SVIL: variants seen among roughly 807,000 people sequenced by gnomAD.
The protein encoded by SVIL is archvillin.
SVIL carries 101 observed loss-of-function variants against 240.4 expected under a neutral mutation model. The ratio of observed to expected loss-of-function variants is 0.42; its 90% confidence interval spans 0.36 to 0.50. SVIL has a LOEUF of 0.50. Among genes scored for constraint, SVIL ranks in the 20% least tolerant of loss-of-function variants. The pLI is 0.01. For synonymous variants in SVIL, 999 were observed against 1,100.0 expected (o/e 0.91, Z 1.82); for missense variants, 2,512 against 2,818.7 (o/e 0.89, Z 2.46).
intron 1 of SVIL, chr10:29,711,868 T>C (rs968022401): frequency 2.0e-5 from 3 of 152,170 alleles, no homozygotes; most frequent in Non-Finnish European, 4.4e-5. Flanking sequence ...GGCACATGCC[T>C]GTAATTCCAG....
chr10:29,533,503 C>T (rs1951528065), intron 7 of SVIL, 45 bp from the exon 8 acceptor site: 4 of 1,568,350 alleles, frequency 2.6e-6, no homozygotes, highest in Non-Finnish European at 3.5e-6. Context: ...GCAGTAACGG[C>T]CTCACAGGAG....
chr10:29,503,208 A>G (rs1160241464), intron 17 of SVIL, among the ~76,000 whole-genome samples: 1 of 152,254 alleles, frequency 6.6e-6, no homozygotes, highest in Admixed American at 6.5e-5. Flanking sequence ...CCCCTTCCTT[A>G]AGAGAAATTT....
intron 1 of SVIL, among the ~76,000 whole-genome samples, chr10:29,595,744 C>T (rs1397444981): frequency 2.6e-5 from 4 of 152,162 alleles, no homozygotes; most frequent in Non-Finnish European, 5.9e-5. Flanking sequence ...ACGCGGTCTT[C>T]GGTGCCTGGT....
At chr10:29,571,056 A>G (rs1432059508) in intron 1 of SVIL, among the ~76,000 whole-genome samples, 1 of 152,244 alleles carries the variant, frequency 6.6e-6, no homozygotes, top group Non-Finnish European at 1.5e-5. Flanking sequence ...TCGGTCACAC[A>G]GCCTGCTCTA....
chr10:29,531,958 T>C, intron 9 of SVIL, 44 bp downstream of exon 9: 1 of 1,606,530 alleles, frequency 6.2e-7, no homozygotes, highest in Non-Finnish European at 8.5e-7. Context: ...TCCTGTGTCA[T>C]TGCCACGTTC....
upstream of SVIL, among the ~76,000 whole-genome samples, chr10:29,639,485 T>G (rs551805143): frequency 2.2e-3 from 332 of 149,506 alleles, 1 homozygote; most frequent in African/African-American, 7.8e-3. Context: ...TTTTTTTTTT[T>G]TGAGATGGAG....
At position 29,708,189 on chromosome 10, in the gene SVIL, C is replaced by T. The variant is rs376211720; in HGVS notation, c.-399-21538G>A. The stretch of plus-strand genomic sequence containing the variant: ...AGGAGAATGGCGTGAACCTGGGAGG[C>T]GGAGCTTGCAGTGAGCCGATATTGT... On this transcript the variant is annotated intron_variant, in intron 1 of 35. Coordinates refer to the SVIL transcript ENST00000375400. Among the ~76,000 whole-genome samples, 17 of 129,866 alleles carry T rather than the reference C, an allele frequency of 1.3e-4. No individual in the cohort carries two copies. The East Asian group carries it at 2.4e-3, about 19-fold the overall frequency. The allele number at this position is 129,866 out of a possible 152,430, so 85.2% of individuals were successfully genotyped here. A position where few individuals can be genotyped will look rare whatever the true frequency, so the allele number is the denominator to read the frequency against.
At chr10:29,635,747 G>A (rs1189684765), upstream of SVIL, among the ~76,000 whole-genome samples, 1 of 152,158 alleles carries the variant, frequency 6.6e-6, no homozygotes, top group East Asian at 1.9e-4. Flanking sequence ...ACTTACAATT[G>A]TAGGTCTCTG....
At chr10:29,471,339 A>G in intron 30 of SVIL, 96 bp from the exon 31 acceptor site, 1 of 971,896 alleles carries the variant, frequency 1.0e-6, no homozygotes, top group South Asian at 1.8e-5. Context: ...GAAAAATACC[A>G]AGACGTACAA....
chr10:29,546,934 A>G (rs1183334026), intron 6 of SVIL, among the ~76,000 whole-genome samples: 1 of 152,178 alleles, frequency 6.6e-6, no homozygotes, highest in Non-Finnish European at 1.5e-5. Flanking sequence ...ACAAAAAACC[A>G]CAGCATTAAA....
At chr10:29,531,034 A>G (rs1259120850) in intron 10 of SVIL, among the ~76,000 whole-genome samples, 1 of 152,212 alleles carries the variant, frequency 6.6e-6, no homozygotes, top group East Asian at 1.9e-4. Context: ...TTGTTTTTAC[A>G]TTGGTCACTG....
intron 17 of SVIL, among the ~76,000 whole-genome samples, chr10:29,506,675 C>T (rs61849282): frequency 0.19 from 21,294 of 109,792 alleles, 1,488 homozygotes; most frequent in Non-Finnish European, 0.23. Flanking sequence ...GGGACAGAGG[C>T]CCTATGAGGG....
At chr10:29,674,250 AC>A (rs375034219) in intron 2 of SVIL, among the ~76,000 whole-genome samples, 29 of 152,230 alleles carry the variant, frequency 1.9e-4, no homozygotes, top group African/African-American at 6.5e-4. Context: ...GGGGAGGATC[AC>A]TTGAACTTGG....
intron 1 of SVIL, among the ~76,000 whole-genome samples, chr10:29,723,340 A>G (rs895266948): frequency 6.6e-6 from 1 of 152,244 alleles, no homozygotes; most frequent in African/African-American, 2.4e-5. Flanking sequence ...GGATCGTGCT[A>G]TTGCACTCTA....
chr10:29,529,766 G>T lies in SVIL; in HGVS notation c.2185C>A (p.Arg729Ser), dbSNP rs536836258. The change falls in exon 12 of 38, where the codon CGT (arginine) becomes AGT (serine). Residue 729 changes from arginine (R) to serine (S), a missense_variant. Arg to Ser is a moderately radical substitution (Grantham distance 110). This residue lies in a region of SVIL where 1,443 missense variants were observed against 1,486.6 expected (regional missense o/e 0.97). Coordinates refer to ENST00000355867, the MANE Select transcript of SVIL (RefSeq NM_021738.3). ...RNTAVEQRLRRLQDRSLTQPI... is the reference protein window; with the variant it reads ...RNTAVEQRLRSLQDRSLTQPI... The stretch of plus-strand genomic sequence containing the variant: ...TGGGTGAGGGACCTGTCCTGCAGAC[G>T]GCGTAGCCTCTGCTCCACAGCTGTG... 6.2e-7 allele frequency: 1 copy of T among 1,613,778 alleles called. No individual in the cohort carries two copies. Among genetic ancestry groups the T allele is most frequent in the Admixed American group, 1.7e-5 (1 of 59,978 alleles).
chr10:29,713,531 A>G (rs990147162), intron 1 of SVIL, among the ~76,000 whole-genome samples: 2 of 152,112 alleles, frequency 1.3e-5, no homozygotes, highest in African/African-American at 4.8e-5. Context: ...GGAGTCAGCA[A>G]ATTTTTTTTT....
At chr10:29,604,356 T>G in intron 1 of SVIL, among the ~76,000 whole-genome samples, 1 of 144,396 alleles carries the variant, frequency 6.9e-6, no homozygotes, top group South Asian at 2.3e-4. Context: ...TGTGCCACCA[T>G]GTCTGGCTTT....
intron 17 of SVIL, among the ~76,000 whole-genome samples, chr10:29,501,404 T>G: frequency 6.8e-6 from 1 of 147,136 alleles, no homozygotes; most frequent in Non-Finnish European, 1.5e-5. Context: ...TGGCACATGG[T>G]TGGGGTGGGA....
chr10:29,729,035 G>T (rs533207303), intron 1 of SVIL, among the ~76,000 whole-genome samples: 1 of 152,260 alleles, frequency 6.6e-6, no homozygotes, highest in East Asian at 1.9e-4. Flanking sequence ...GGGGGTGAGG[G>T]GCGGTGTTAG....
Sources: allele counts gnomAD v4.1 joint callset (sites outside exome capture counted in the v4.1 genomes callset), GRCh38; gene constraint gnomAD v4.1.1; regional missense constraint gnomAD v4.1.1; transcripts MANE v1.5; gene names NCBI Gene and HGNC (gene_info 2026-07-23, HGNC 2026-07-21).